Variants in CACNA1A observed in about 807,000 individuals in gnomAD.
CACNA1A encodes the protein voltage-dependent P/Q-type calcium channel subunit alpha-1A.
A neutral mutation model predicts 262.4 loss-of-function variants in CACNA1A; 57 were observed. That is an observed-to-expected ratio of 0.22 (90% CI 0.18 to 0.27). The LOEUF is 0.27. Among genes scored for constraint, CACNA1A ranks in the 10% least tolerant of loss-of-function variants. The pLI is 1.00. For missense variants in CACNA1A, 2,526 were observed against 3,562.8 expected (o/e 0.71, Z 7.41); for synonymous variants, 1,431 against 1,419.3 (o/e 1.01, Z -0.18).
chr19:13,388,033 G>C (rs1231219399), intron 3 of CACNA1A, among the ~76,000 whole-genome samples: 1 of 151,902 alleles, frequency 6.6e-6, no homozygotes, highest in Non-Finnish European at 1.5e-5. Context: ...AGGGGATGGG[G>C]ATGTAGTGGC....
intron 3 of CACNA1A, among the ~76,000 whole-genome samples, chr19:13,386,821 C>T (rs921570318): frequency 6.6e-6 from 1 of 151,920 alleles, no homozygotes; most frequent in Non-Finnish European, 1.5e-5. Flanking sequence ...CTGACGCAGT[C>T]GTCTTGGGGC....
At chr19:13,240,149 TA>T (rs60352550) in intron 31 of CACNA1A, among the ~76,000 whole-genome samples, 47,609 of 119,510 alleles carry the variant, frequency 0.4, 9,310 homozygotes, top group African/African-American at 0.58. Flanking sequence ...AGACTCTGTC[TA>T]AAAAAAAAAA....
At chr19:13,211,959 C>G in intron 43 of CACNA1A, 144 bp downstream of exon 43, 2 of 613,216 alleles carry the variant, frequency 3.3e-6, no homozygotes, top group South Asian at 3.9e-5. Context: ...GTGGGGCCTG[C>G]AGACTGCTTC....
chr19:13,400,107 G>A (rs998458013), intron 3 of CACNA1A, among the ~76,000 whole-genome samples: 11 of 152,124 alleles, frequency 7.2e-5, no homozygotes, highest in African/African-American at 2.7e-4. Context: ...AAGAATTTCT[G>A]CCTCACCCAT....
In CACNA1A at chr19:13,418,274, G is replaced by A. The variant is rs981402934; in HGVS notation, c.539+34602C>T. ...TCTCAGGTCCACAGCAAATATTTGGGGGAGTGGAGGTGGGGGCAGAACCCT... is the reference window on the plus strand; with the variant it reads ...TCTCAGGTCCACAGCAAATATTTGGAGGAGTGGAGGTGGGGGCAGAACCCT... On this transcript the variant is annotated intron_variant, in intron 3 of 46. Transcript: ENST00000360228. Among the ~76,000 whole-genome samples, 3 of 152,044 alleles carry A rather than the reference G, an allele frequency of 2.0e-5. No individual in the cohort carries two copies. In the South Asian group the frequency reaches 6.2e-4, roughly 32 times the overall value.
intron 3 of CACNA1A, among the ~76,000 whole-genome samples, chr19:13,386,422 T>C (rs576422282): frequency 6.6e-6 from 1 of 152,272 alleles, no homozygotes; most frequent in Non-Finnish European, 1.5e-5. Context: ...GAGACAGCCC[T>C]TCCTCTCCCT....
At chr19:13,360,807 C>T (rs1231217724) in intron 5 of CACNA1A, among the ~76,000 whole-genome samples, 1 of 152,228 alleles carries the variant, frequency 6.6e-6, no homozygotes, top group Non-Finnish European at 1.5e-5. Context: ...GCTCAGACAT[C>T]ATATCATTTC....
At chr19:13,419,039 G>A (rs1365191070) in intron 3 of CACNA1A, among the ~76,000 whole-genome samples, 2 of 152,102 alleles carry the variant, frequency 1.3e-5, no homozygotes, top group East Asian at 3.9e-4. Flanking sequence ...GATTACAGGT[G>A]CCTGCCACCA....
chr19:13,408,974 G>A (rs961329762), intron 3 of CACNA1A, among the ~76,000 whole-genome samples: 2 of 152,186 alleles, frequency 1.3e-5, no homozygotes, highest in Non-Finnish European at 2.9e-5. Flanking sequence ...GTTGAAAATA[G>A]ACATACCGAC....
At chr19:13,467,832 T>C (rs2061281395) in intron 1 of CACNA1A, among the ~76,000 whole-genome samples, 1 of 152,084 alleles carries the variant, frequency 6.6e-6, no homozygotes, top group Non-Finnish European at 1.5e-5. Flanking sequence ...CTCGAACTCC[T>C]GACCTCAGGT....
intron 31 of CACNA1A, among the ~76,000 whole-genome samples, chr19:13,237,343 C>T (rs773251802): frequency 6.6e-6 from 1 of 152,250 alleles, no homozygotes; most frequent in Non-Finnish European, 1.5e-5. Context: ...GGATTTGCTA[C>T]AGGCCACGTA....
At chr19:13,287,755 GC>G (rs1349265312) in intron 19 of CACNA1A, among the ~76,000 whole-genome samples, 2 of 150,620 alleles carry the variant, frequency 1.3e-5, no homozygotes, top group African/African-American at 4.9e-5. Flanking sequence ...ACCCACCTCA[GC>G]CTCCCAAAGT....
intron 1 of CACNA1A, among the ~76,000 whole-genome samples, chr19:13,470,401 A>G (rs925657103): frequency 6.6e-6 from 1 of 152,080 alleles, no homozygotes; most frequent in Non-Finnish European, 1.5e-5. Context: ...AGATTACTTG[A>G]CCATGCCCTT....
chr19:13,336,553 G>A, intron 6 of CACNA1A, among the ~76,000 whole-genome samples: 1 of 149,766 alleles, frequency 6.7e-6, no homozygotes, highest in African/African-American at 2.5e-5. Context: ...AAGGAGAGGA[G>A]GTTGGGGGGT....
In CACNA1A at chr19:13,259,729, A is replaced by T. The variant is rs374664633; in HGVS notation, c.4251-28T>A. The T allele has an allele frequency of 2.7e-5, 44 of 1,608,114 alleles. 1 individual carries two copies. The highest frequency in any genetic ancestry group is 1.7e-4 in the Middle Eastern group (1 of 6,050). On this transcript the variant is annotated intron_variant, in intron 26 of 46. Coordinates refer to ENST00000360228, the MANE Select transcript of CACNA1A (RefSeq NM_001127222.2). ...GCCACAGAGAGTGGGGACTGTTAGT[A>T]AATGGGAAAGAGGGGCTGTCTTGCA...
intron 2 of CACNA1A, among the ~76,000 whole-genome samples, chr19:13,453,389 C>T (rs563154817): frequency 6.6e-6 from 1 of 152,372 alleles, no homozygotes; most frequent in Admixed American, 6.5e-5. Flanking sequence ...ACACTGGCTA[C>T]ATTTCAAGTG....
chr19:13,354,672 C>T (rs1172250664), intron 6 of CACNA1A, among the ~76,000 whole-genome samples: 4 of 152,166 alleles, frequency 2.6e-5, no homozygotes, highest in Non-Finnish European at 4.4e-5. Context: ...CCTCCTGCTA[C>T]ACACACAAAA....
At chr19:13,470,267 T>A (rs1367222344) in intron 1 of CACNA1A, among the ~76,000 whole-genome samples, 2 of 152,140 alleles carry the variant, frequency 1.3e-5, no homozygotes, top group Non-Finnish European at 2.9e-5. Flanking sequence ...ACTTCCTCAC[T>A]GCACATTCTT....
At chr19:13,383,828 ATTTT>A (rs1293793813) in intron 3 of CACNA1A, among the ~76,000 whole-genome samples, 1 of 151,928 alleles carries the variant, frequency 6.6e-6, no homozygotes, top group Non-Finnish European at 1.5e-5. Flanking sequence ...TTATTTATTT[ATTTT>A]TAAGACAGGA....
Sources: allele counts gnomAD v4.1 joint callset (sites outside exome capture counted in the v4.1 genomes callset), GRCh38; gene constraint gnomAD v4.1.1; transcripts MANE v1.5; gene names NCBI Gene and HGNC (gene_info 2026-07-23, HGNC 2026-07-21).